Variants in MORC4 observed in about 807,000 individuals in gnomAD.
MORC4 encodes MORC family CW-type zinc finger protein 4.
In MORC4, 22 loss-of-function variants were observed where a neutral mutation model predicts 65.5. The observed-to-expected ratio is 0.34, with a 90% CI of 0.24 to 0.48. The LOEUF (loss-of-function observed/expected upper bound fraction) is 0.48. MORC4 is among the 20% of genes least tolerant of loss of function. The pLI is 0.99. For missense variants in MORC4, 624 were observed against 703.0 expected, an observed-to-expected ratio of 0.89 and a Z score of 1.27; for synonymous variants, 267 against 255.8, an observed-to-expected ratio of 1.04 and a Z score of -0.42.
At chrX:106,977,448 G>A (rs1934648674) in intron 8 of MORC4, among the ~76,000 whole-genome samples, 1 of 111,759 alleles carries the variant, frequency 8.9e-6, no homozygotes, top group Non-Finnish European at 1.9e-5. Context: ...AGGGATACTT[G>A]TAGACATTAC....
rs770363788 is a variant in MORC4, at chrX:106,983,261, T to TA, written c.675-1785dup. The stretch of plus-strand genomic sequence containing the variant: ...TTTAAGATATGTAAATCACTGGAAA[T>TA]ACCTCAAAAAATTCTTTGTAATACA... On this transcript the variant is annotated intron_variant, in intron 5 of 16. Coordinates refer to ENST00000355610, the MANE Select transcript of MORC4 (RefSeq NM_024657.5). 3.5e-4 allele frequency among the ~76,000 whole-genome samples: 39 copies of TA among 112,370 alleles called. No individual in the cohort carries two copies. The East Asian group carries it at 0.01, about 29-fold the overall frequency.
rs771755152 is a variant in MORC4 at position 106,958,287 on chromosome X, G to A, written c.1385+49C>T. ...GATGAAAAATGTTTTAGACTATAGAGATAAATCAGGAGTTACCTTGAGCAT... is the reference window on the plus strand; with the variant it reads ...GATGAAAAATGTTTTAGACTATAGAAATAAATCAGGAGTTACCTTGAGCAT... On this transcript the variant is annotated intron_variant, in intron 11 of 16. Coordinates refer to ENST00000355610, the MANE Select transcript of MORC4 (RefSeq NM_024657.5). The A allele has an allele frequency of 2.7e-6, 3 of 1,121,697 alleles. No homozygotes were observed. In the South Asian group the frequency reaches 6.3e-5, roughly 24 times the overall value. The allele number at this position is 1,121,697 out of a possible 1,213,427, so 92.4% of individuals were successfully genotyped here. A position where few individuals can be genotyped will look rare whatever the true frequency, so the allele number is the denominator to read the frequency against.
At chrX:106,974,053 A>C (rs1806547681) in intron 9 of MORC4, among the ~76,000 whole-genome samples, 1 of 111,935 alleles carries the variant, frequency 8.9e-6, no homozygotes, top group South Asian at 3.7e-4. Context: ...ATTTCCCTCA[A>C]AGATGTAAAA....
At chrX:106,966,782 T>C (rs1235248834) in intron 9 of MORC4, among the ~76,000 whole-genome samples, 1 of 112,212 alleles carries the variant, frequency 8.9e-6, no homozygotes, top group Non-Finnish European at 1.9e-5. Flanking sequence ...ATGTTCACAG[T>C]GTATACAAAG....
At chrX:106,987,413 G>C (rs1261414206) in intron 3 of MORC4, among the ~76,000 whole-genome samples, 2 of 111,997 alleles carry the variant, frequency 1.8e-5, no homozygotes, top group Non-Finnish European at 3.8e-5. Flanking sequence ...ATTTTACAAT[G>C]TTGTGCACTA....
In MORC4 at chrX:106,981,303, G is replaced by A. The variant is rs372429974; in HGVS notation, c.807+42C>T. ...TGTTCTATAATATTTTCAGGTTACA[G>A]GAAATCTTACCTCTCATTGTTGAAA... On this transcript the variant is annotated intron_variant, in intron 6 of 16. Coordinates refer to ENST00000355610, the MANE Select transcript of MORC4 (RefSeq NM_024657.5). 23 of 1,135,711 alleles carry A rather than the reference G, an allele frequency of 2.0e-5. No homozygotes were observed. The African/African-American group carries it at 3.9e-4, about 19-fold the overall frequency. 93.6% of individuals were successfully genotyped at this position (1,135,711 alleles called of 1,213,427 possible).
At chrX:106,991,163 T>C (rs1160040005) in intron 3 of MORC4, among the ~76,000 whole-genome samples, 1 of 111,679 alleles carries the variant, frequency 9.0e-6, no homozygotes, top group Non-Finnish European at 1.9e-5. Flanking sequence ...ATATTTCAAT[T>C]TGAATGTCAT....
intron 10 of MORC4, among the ~76,000 whole-genome samples, chrX:106,959,706 A>C (rs757092034): frequency 4.5e-5 from 5 of 110,617 alleles, no homozygotes; most frequent in Non-Finnish European, 7.6e-5. Context: ...CACCCGGCTA[A>C]TGTTTGTACT....
intron 7 of MORC4, 67 bp from the exon 8 acceptor site, chrX:106,978,266 T>G: frequency 9.2e-7 from 1 of 1,083,428 alleles, no homozygotes; most frequent in South Asian, 2.3e-5. Context: ...TACACCATAT[T>G]ATAGCAAAAA....
intron 9 of MORC4, 130 bp downstream of exon 9, chrX:106,976,454 G>T: frequency 2.4e-6 from 1 of 417,747 alleles, no homozygotes; most frequent in Non-Finnish European, 4.2e-6. Flanking sequence ...CTCTAATCTT[G>T]GAAAACAAAT....
At chrX:106,957,548 C>A (rs142524030) in intron 11 of MORC4, among the ~76,000 whole-genome samples, 2,104 of 111,446 alleles carry the variant, frequency 0.019, 53 homozygotes, top group African/African-American at 0.065. Context: ...ATTTATCCTG[C>A]CAGAAGAATT....
intron 5 of MORC4, among the ~76,000 whole-genome samples, 162 bp downstream of exon 5, chrX:106,984,934 T>A (rs754223956): frequency 9.0e-6 from 1 of 111,207 alleles, no homozygotes; most frequent in South Asian, 3.9e-4. Context: ...TTTGGGAGGC[T>A]AAGGAGGGAA....
At chrX:106,965,631 A>G (rs993203176) in intron 9 of MORC4, among the ~76,000 whole-genome samples, 1 of 112,455 alleles carries the variant, frequency 8.9e-6, no homozygotes, top group South Asian at 3.7e-4. Context: ...TAGAATTGGC[A>G]ATTGGCAGAG....
In MORC4 at chrX:106,954,915, G is replaced by A. The variant is rs376902490; in HGVS notation, c.1683C>T (p.Ser561=). 2 of 1,205,188 alleles carry A rather than the reference G, an allele frequency of 1.7e-6. No individual in the cohort carries two copies. The highest frequency in any genetic ancestry group is 3.5e-5 in the African/African-American group (2 of 56,956). ...AAGAGATCATGCTTTTTAGTCACCT[G>A]GAAAACTGTAAAACACTGGAATCCA... ...KPLDSSVLQF[S]SKYKWILGEE... The change falls in exon 14 of 17, where the codon TCC becomes TCT. Residue 561 remains serine (S), a splice_region_variant and synonymous_variant. Transcript: ENST00000355610.
chrX:106,994,118 G>T (rs917752760), intron 2 of MORC4, among the ~76,000 whole-genome samples: 1 of 112,501 alleles, frequency 8.9e-6, no homozygotes, highest in African/African-American at 3.2e-5. Context: ...TCTTCACAAT[G>T]AGTTAATTAT....
chrX:106,964,745 C>T (rs181469348), intron 9 of MORC4, among the ~76,000 whole-genome samples: 2 of 112,214 alleles, frequency 1.8e-5, no homozygotes, highest in East Asian at 5.6e-4. Context: ...TGCAGTGGCT[C>T]ATGCCTGTAA....
intron 13 of MORC4, 122 bp from the exon 14 acceptor site, chrX:106,955,210 C>T: frequency 1.9e-6 from 1 of 513,050 alleles, no homozygotes. Context: ...GTTTCCTACA[C>T]AAAACAAACA....
intron 7 of MORC4, among the ~76,000 whole-genome samples, chrX:106,980,596 AAAAT>A (rs2147820684): frequency 9.0e-6 from 1 of 111,679 alleles, no homozygotes; most frequent in African/African-American, 3.2e-5. Flanking sequence ...TGAGGATTTT[AAAAT>A]AAATAAATAA....
intron 10 of MORC4, among the ~76,000 whole-genome samples, chrX:106,961,443 TA>T (rs1487065755): frequency 8.9e-6 from 1 of 112,388 alleles, no homozygotes; most frequent in Non-Finnish European, 1.9e-5. Context: ...TGTGAGTTCC[TA>T]TTTTTAGTCA....
Sources: gnomAD v4.1 joint callset for allele counts (sites outside exome capture counted in the v4.1 genomes callset) on GRCh38, gnomAD v4.1.1 for gene constraint, MANE v1.5 for transcripts, NCBI Gene and HGNC (gene_info 2026-07-23, HGNC 2026-07-21) for gene names.